Variants in GTF2E1 observed in about 807,000 individuals in gnomAD.
GTF2E1 encodes the protein TFIIE alpha subunit.
GTF2E1 carries 14 observed loss-of-function variants against 34.9 expected under a neutral mutation model. That is an observed-to-expected ratio of 0.40 (90% confidence interval 0.27 to 0.63). The LOEUF is 0.63. Ranked by LOEUF, GTF2E1 falls within the 20% of genes least tolerant of loss-of-function variation. GTF2E1 has a pLI of 0.39. For synonymous variants in GTF2E1, 188 were observed against 192.9 expected (o/e 0.97, Z 0.21); for missense variants, 469 against 557.7 (o/e 0.84, Z 1.60).
intron 1 of GTF2E1, among the ~76,000 whole-genome samples, chr3:120,745,810 G>A (rs1470668649): frequency 6.6e-6 from 1 of 152,274 alleles, no homozygotes; most frequent in East Asian, 1.9e-4. Context: ...ACAATGTATA[G>A]ACCAAACCGA....
chr3:120,754,402 T>C lies in GTF2E1; in HGVS notation c.448+3402T>C, dbSNP rs1289900681. On this transcript the variant is annotated intron_variant, in intron 2 of 4. Coordinates refer to ENST00000283875, the MANE Select transcript of GTF2E1 (RefSeq NM_005513.3). ...AGTTTATGATCTCTTGGTTTCTTAA[T>C]GTACCAAACTCTCCTGTTTCTATCT... Among the ~76,000 whole-genome samples the C allele has an allele frequency of 2.0e-5, 3 of 152,320 alleles. No homozygotes were observed. In the East Asian group the frequency reaches 5.8e-4, roughly 29 times the overall value.
At position 120,781,223 on chromosome 3, in the gene GTF2E1, C is replaced by G; in HGVS notation, c.1073C>G (p.Thr358Ser). 1 of 1,614,076 alleles carries G rather than the reference C, an allele frequency of 6.2e-7. No homozygotes were observed. Among genetic ancestry groups the G allele is most frequent in the Admixed American group, 1.7e-5 (1 of 60,010 alleles). Residue 358 changes from threonine (T) to serine (S), a missense_variant, in exon 5 of 5, where the codon ACC becomes AGC. Physicochemically the swap from Thr to Ser is moderately conservative, Grantham distance 58. Coordinates refer to ENST00000283875, the MANE Select transcript of GTF2E1 (RefSeq NM_005513.3). ...AANGSDSESETSESDDDSPPR... is the reference protein window; with the variant it reads ...AANGSDSESESSESDDDSPPR... ...AATGGCAGTGACTCAGAAAGCGAGA[C>G]CAGTGAGTCAGATGATGATTCTCCA...
intron 2 of GTF2E1, among the ~76,000 whole-genome samples, chr3:120,765,000 T>G (rs1382669230): frequency 6.6e-6 from 1 of 151,886 alleles, no homozygotes; most frequent in Non-Finnish European, 1.5e-5. Context: ...TGTTTTTTTT[T>G]TTAATTGTTG....
At chr3:120,781,002 T>A in intron 4 of GTF2E1, 41 bp from the exon 5 acceptor site, 1 of 1,344,744 alleles carries the variant, frequency 7.4e-7, no homozygotes. Context: ...GAAATGCCAT[T>A]TATATTTAAG....
intron 2 of GTF2E1, among the ~76,000 whole-genome samples, chr3:120,760,637 G>A (rs1316712956): frequency 2.6e-5 from 4 of 152,150 alleles, no homozygotes; most frequent in Admixed American, 1.3e-4. Flanking sequence ...AGCATGAAGG[G>A]CTGTTGAATT....
At chr3:120,774,175 T>G (rs55741444) in intron 3 of GTF2E1, among the ~76,000 whole-genome samples, 72,988 of 151,924 alleles carry the variant, frequency 0.48, 18,880 homozygotes, top group Non-Finnish European at 0.59. Flanking sequence ...CCCAGGTGGG[T>G]TTAGCTAACT....
intron 1 of GTF2E1, among the ~76,000 whole-genome samples, chr3:120,747,622 C>T (rs1466115492): frequency 6.6e-6 from 1 of 152,184 alleles, no homozygotes; most frequent in Non-Finnish European, 1.5e-5. Context: ...TGTATATGTG[C>T]CACATTTTTT....
At position 120,770,812 on chromosome 3, in the gene GTF2E1, CA is replaced by C; in HGVS notation, c.535del (p.Arg179GlyfsTer19). 6.2e-7 allele frequency: 1 copy of C among 1,613,474 alleles called. No individual in the cohort carries two copies. Among genetic ancestry groups the C allele is most frequent in the Non-Finnish European group, 8.5e-7 (1 of 1,179,520 alleles). ...MPKKDARTLL[A>X]RFNEQIEPIY... Reference sequence around the variant, plus strand: ...AAAAAAGATGCACGCACACTTTTGGCAAGGTTTAATGAACAAATTGAGCCCA... The same window carrying C: ...AAAAAAGATGCACGCACACTTTTGGCAGGTTTAATGAACAAATTGAGCCCA... On this transcript the variant is annotated frameshift_variant, in exon 3 of 5. Transcript: ENST00000283875. LOFTEE classifies it high-confidence loss of function.
At chr3:120,745,635 A>G (rs1709098646) in intron 1 of GTF2E1, among the ~76,000 whole-genome samples, 1 of 152,204 alleles carries the variant, frequency 6.6e-6, no homozygotes, top group Non-Finnish European at 1.5e-5. Flanking sequence ...GGGGCATGGC[A>G]TGTATGGGGC....
intron 3 of GTF2E1, among the ~76,000 whole-genome samples, chr3:120,775,074 A>G (rs1212519818): frequency 2.0e-5 from 3 of 152,180 alleles, no homozygotes; most frequent in Admixed American, 2.0e-4. Context: ...TGGGCTAATC[A>G]GATACACGGA....
intron 3 of GTF2E1, among the ~76,000 whole-genome samples, chr3:120,775,302 G>A (rs950859778): frequency 1.3e-5 from 2 of 152,078 alleles, no homozygotes; most frequent in Admixed American, 1.3e-4. Context: ...AAAAGAGTGA[G>A]AAAAACGGAC....
intron 2 of GTF2E1, among the ~76,000 whole-genome samples, chr3:120,761,792 T>G (rs1709265975): frequency 8.8e-6 from 1 of 113,946 alleles, no homozygotes; most frequent in South Asian, 3.4e-4. Context: ...AGACATTTTT[T>G]TTTTTTTTTT....
At chr3:120,747,486 G>C (rs964937423) in intron 1 of GTF2E1, among the ~76,000 whole-genome samples, 31 of 152,230 alleles carry the variant, frequency 2.0e-4, no homozygotes, top group African/African-American at 7.5e-4. Flanking sequence ...CTATGAGTGA[G>C]ATATATGCGG....
At position 120,776,609 on chromosome 3, in the gene GTF2E1, T is replaced by C; in HGVS notation, c.837T>C (p.Ile279=). The C allele has an allele frequency of 6.2e-7, 1 of 1,613,754 alleles. No homozygotes were observed. Among genetic ancestry groups the C allele is most frequent in the Non-Finnish European group, 8.5e-7 (1 of 1,179,740 alleles). Residue 279 remains isoleucine (I), a synonymous_variant, in exon 4 of 5, where the codon ATT becomes ATC. Coordinates refer to ENST00000283875, the MANE Select transcript of GTF2E1 (RefSeq NM_005513.3). ...LEGKSAKERP[I]WLRESTVQGA... ...GGAAATCTGCCAAAGAGAGGCCTAT[T>C]TGGTTGAGAGAAAGCACTGTCCAAG... is the stretch of plus-strand genomic sequence containing the variant.
chr3:120,751,130 C>T, intron 2 of GTF2E1, 130 bp downstream of exon 2: 1 of 630,964 alleles, frequency 1.6e-6, no homozygotes, highest in Non-Finnish European at 2.7e-6. Context: ...TAAATCACAG[C>T]ATACAGTCAG....
In GTF2E1 at chr3:120,770,881, A is replaced by G. The variant is rs766265506; in HGVS notation, c.602A>G (p.Tyr201Cys). ...LRETEDVNLA[Y>C]EILEPEPTEI... The stretch of plus-strand genomic sequence containing the variant: ...GAGACAGAGGATGTGAACTTGGCCT[A>G]TGAAATACTTGAGCCAGAACCCACA... The change falls in exon 3 of 5, where the codon TAT (tyrosine) becomes TGT (cysteine). Residue 201 changes from tyrosine to cysteine, a missense_variant. Coordinates refer to ENST00000283875, the MANE Select transcript of GTF2E1 (RefSeq NM_005513.3). 2.5e-6 allele frequency: 4 copies of G among 1,613,684 alleles called. No individual in the cohort carries two copies. The highest frequency in any genetic ancestry group is 2.2e-5 in the East Asian group (1 of 44,884).
intron 3 of GTF2E1, among the ~76,000 whole-genome samples, 182 bp from the exon 4 acceptor site, chr3:120,776,241 G>A (rs752983146): frequency 3.9e-5 from 6 of 152,020 alleles, no homozygotes; most frequent in Admixed American, 6.5e-5. Context: ...TTTTTCTAAC[G>A]CATACAACTT....
intron 2 of GTF2E1, 44 bp from the exon 3 acceptor site, chr3:120,770,684 G>C: frequency 7.1e-7 from 1 of 1,405,584 alleles, no homozygotes; most frequent in Non-Finnish European, 1.0e-6. Flanking sequence ...TAAACTATCT[G>C]CTAAAGTCTT....
intron 2 of GTF2E1, among the ~76,000 whole-genome samples, chr3:120,759,000 T>C (rs1000280459): frequency 6.6e-6 from 1 of 152,174 alleles, no homozygotes; most frequent in Non-Finnish European, 1.5e-5. Context: ...CGCCACAGTC[T>C]TCCACAATGG....
Sources: allele counts gnomAD v4.1 joint callset (sites outside exome capture counted in the v4.1 genomes callset), GRCh38; gene constraint gnomAD v4.1.1; transcripts MANE v1.5; gene names NCBI Gene and HGNC (gene_info 2026-07-23, HGNC 2026-07-21).